FHIT: variants seen among roughly 807,000 people sequenced by gnomAD.
FHIT encodes fragile histidine triad diadenosine triphosphatase, also known as bis(5'-adenosyl)-triphosphatase.
In FHIT, 19 loss-of-function variants were observed where a neutral mutation model predicts 17.9. The ratio of observed to expected loss-of-function variants is 1.06; its 90% CI spans 0.74 to 1.56. The LOEUF is 1.56. Ranked by LOEUF, FHIT falls within the 40% of genes most tolerant of loss-of-function variation. FHIT has a pLI of 0.00. For synonymous variants in FHIT, 81 were observed against 69.7 expected (o/e 1.16, Z -0.81); for missense variants, 248 against 189.2 (o/e 1.31, Z -1.82).
chr3:60,172,882 C>G (rs1427256698), intron 5 of FHIT, among the ~76,000 whole-genome samples: 1 of 152,184 alleles, frequency 6.6e-6, no homozygotes. Flanking sequence ...CACATTTTCT[C>G]TGTATCTAAC....
In FHIT at chr3:60,793,797, C is replaced by T. The variant is rs375267947; in HGVS notation, c.-18+28122G>A. Among the ~76,000 whole-genome samples, 18 of 152,302 alleles carry T rather than the reference C, an allele frequency of 1.2e-4. No individual in the cohort carries two copies. In the East Asian group the frequency reaches 3.5e-3, roughly 29 times the overall value. ...CACCAATCACTCTGCAGCTAAGAGC[C>T]ATCCTGGGGGTTCCTAAACTCCAAG... is the stretch of plus-strand genomic sequence containing the variant. On this transcript the variant is annotated intron_variant, in intron 4 of 9. Coordinates refer to ENST00000492590, the MANE Select transcript of FHIT (RefSeq NM_002012.4).
chr3:61,057,253 C>T (rs1211004199), intron 2 of FHIT, among the ~76,000 whole-genome samples: 1 of 152,176 alleles, frequency 6.6e-6, no homozygotes, highest in Admixed American at 6.5e-5. Flanking sequence ...TCATATTTGT[C>T]TAAGAACCAC....
intron 2 of FHIT, among the ~76,000 whole-genome samples, chr3:61,106,079 T>A (rs2035980304): frequency 6.6e-6 from 1 of 152,184 alleles, no homozygotes; most frequent in Non-Finnish European, 1.5e-5. Context: ...CTTGGACAAG[T>A]CACTGAGAGC....
intron 5 of FHIT, among the ~76,000 whole-genome samples, chr3:60,066,449 T>G (rs1702508642): frequency 6.6e-6 from 1 of 152,032 alleles, no homozygotes; most frequent in Admixed American, 6.5e-5. Flanking sequence ...ATGCATTATA[T>G]TCTCATGTCC....
At chr3:60,431,716 C>A (rs1454778597) in intron 5 of FHIT, among the ~76,000 whole-genome samples, 1 of 152,066 alleles carries the variant, frequency 6.6e-6, no homozygotes, top group Non-Finnish European at 1.5e-5. Context: ...CATCCTGCAA[C>A]TTGGCTTACA....
At chr3:60,858,506 G>A (rs945589645) in intron 3 of FHIT, among the ~76,000 whole-genome samples, 1 of 152,094 alleles carries the variant, frequency 6.6e-6, no homozygotes, top group Admixed American at 6.6e-5. Context: ...TGTGAACTCT[G>A]TTCACATATT....
At chr3:60,281,306 A>T (rs1707440984) in intron 5 of FHIT, among the ~76,000 whole-genome samples, 1 of 152,186 alleles carries the variant, frequency 6.6e-6, no homozygotes, top group South Asian at 2.1e-4. Context: ...TCAAAATCCC[A>T]GAAAGTTATT....
At chr3:61,237,552 G>A in intron 1 of FHIT, among the ~76,000 whole-genome samples, 1 of 152,132 alleles carries the variant, frequency 6.6e-6, no homozygotes, top group East Asian at 1.9e-4. Context: ...ATAGTACTAT[G>A]GGAAAGGTTT....
chr3:60,420,299 A>C lies in FHIT; in HGVS notation c.103+116561T>G, dbSNP rs555512762. Among the ~76,000 whole-genome samples the C allele has an allele frequency of 8.5e-5, 13 of 152,284 alleles. No homozygotes were observed. The South Asian group carries it at 1.9e-3, about 22-fold the overall frequency. On this transcript the variant is annotated intron_variant, in intron 5 of 9. Coordinates refer to ENST00000492590, the MANE Select transcript of FHIT (RefSeq NM_002012.4). ...TCTAATTCTTAATGACCTAATAATC[A>C]TCCATAGCATGTATAACACAGTTCA...
intron 1 of FHIT, among the ~76,000 whole-genome samples, chr3:61,240,250 C>T (rs1033334147): frequency 2.6e-5 from 4 of 152,204 alleles, no homozygotes; most frequent in Non-Finnish European, 4.4e-5. Context: ...ACCTGTTTTG[C>T]TGTATCCCTA....
intron 3 of FHIT, among the ~76,000 whole-genome samples, chr3:60,982,434 G>A (rs1246664888): frequency 1.3e-5 from 2 of 152,226 alleles, no homozygotes; most frequent in African/African-American, 4.8e-5. Context: ...GAAATAAAGT[G>A]AGATACAACG....
chr3:60,520,127 C>A (rs539178645), intron 5 of FHIT, among the ~76,000 whole-genome samples: 1 of 152,066 alleles, frequency 6.6e-6, no homozygotes, highest in Admixed American at 6.6e-5. Flanking sequence ...TGTGTGCCTA[C>A]GTTTCGATAA....
intron 5 of FHIT, among the ~76,000 whole-genome samples, chr3:60,525,420 A>G (rs1040510563): frequency 3.3e-5 from 5 of 152,154 alleles, no homozygotes; most frequent in African/African-American, 4.8e-5. Context: ...CACCCTACCT[A>G]ATGTGGTATT....
At chr3:60,113,761 G>A (rs1451529997) in intron 5 of FHIT, among the ~76,000 whole-genome samples, 2 of 150,788 alleles carry the variant, frequency 1.3e-5, no homozygotes, top group Non-Finnish European at 2.9e-5. Context: ...CAGCACTTTG[G>A]GAGGCCGAGG....
chr3:60,204,589 C>G (rs571621968), intron 5 of FHIT, among the ~76,000 whole-genome samples: 1 of 120,342 alleles, frequency 8.3e-6, no homozygotes, highest in South Asian at 2.4e-4. Flanking sequence ...CCCTTCCCAG[C>G]CTGAAAAGGT....
intron 4 of FHIT, among the ~76,000 whole-genome samples, chr3:60,821,240 T>C (rs1226729542): frequency 1.3e-5 from 2 of 152,176 alleles, no homozygotes; most frequent in Non-Finnish European, 2.9e-5. Context: ...CCTCCCAAAG[T>C]GCTGGGATTA....
intron 5 of FHIT, among the ~76,000 whole-genome samples, chr3:60,198,066 T>C (rs1702726419): frequency 1.3e-5 from 2 of 152,150 alleles, no homozygotes; most frequent in South Asian, 4.1e-4. Flanking sequence ...CATTAGTTCA[T>C]CGCAACTTCA....
At chr3:60,786,805 A>G (rs2108109271) in intron 4 of FHIT, among the ~76,000 whole-genome samples, 1 of 152,294 alleles carries the variant, frequency 6.6e-6, no homozygotes, top group East Asian at 1.9e-4. Flanking sequence ...GTGAATGAAG[A>G]ATGAATGAAT....
At chr3:60,503,708 A>T (rs1172492315) in intron 5 of FHIT, among the ~76,000 whole-genome samples, 1 of 152,192 alleles carries the variant, frequency 6.6e-6, no homozygotes, top group Non-Finnish European at 1.5e-5. Flanking sequence ...AAACAATAAG[A>T]AAAAACTTAC....
Sources: allele counts gnomAD v4.1 joint callset (sites outside exome capture counted in the v4.1 genomes callset), GRCh38; gene constraint gnomAD v4.1.1; transcripts MANE v1.5; gene names NCBI Gene and HGNC (gene_info 2026-07-23, HGNC 2026-07-21).